Variants in PLCB1 observed in about 807,000 individuals in gnomAD.
PLCB1 encodes 1-phosphatidylinositol 4,5-bisphosphate phosphodiesterase beta-1.
A neutral mutation model predicts 161.8 loss-of-function variants in PLCB1; 46 were observed. The ratio of observed to expected loss-of-function variants is 0.28; its 90% CI spans 0.22 to 0.36. The LOEUF is 0.36. Ranked by LOEUF, PLCB1 falls within the 10% of genes least tolerant of loss-of-function variation. The pLI, the probability that PLCB1 is intolerant of heterozygous loss-of-function variation, is 1.00. For synonymous variants in PLCB1, 517 were observed against 503.7 expected, an observed-to-expected ratio of 1.03 and a Z score of -0.35; for missense variants, 1,016 against 1,472.5, an observed-to-expected ratio of 0.69 and a Z score of 5.07.
At chr20:8,802,127 C>G in intron 31 of PLCB1, 1 of 1,612,506 alleles carries the variant, frequency 6.2e-7, no homozygotes, top group South Asian at 1.1e-5. Context: ...ACTTTACTCC[C>G]CCCAACCCTC....
At chr20:8,743,815 C>T (rs1981004609) in intron 23 of PLCB1, among the ~76,000 whole-genome samples, 1 of 152,064 alleles carries the variant, frequency 6.6e-6, no homozygotes, top group African/African-American at 2.4e-5. Context: ...TGCTTTTTCT[C>T]TTTTCCATGG....
intron 3 of PLCB1, among the ~76,000 whole-genome samples, chr20:8,502,093 TAA>T (rs1262636842): frequency 6.6e-6 from 1 of 151,872 alleles, no homozygotes; most frequent in Non-Finnish European, 1.5e-5. Flanking sequence ...TTTTTATTAC[TAA>T]GATTATTTAC....
intron 31 of PLCB1, among the ~76,000 whole-genome samples, chr20:8,863,706 T>G (rs886923422): frequency 4.6e-5 from 7 of 152,236 alleles, no homozygotes; most frequent in Admixed American, 4.6e-4. Flanking sequence ...GTACATTATA[T>G]TCTTCAGATA....
intron 2 of PLCB1, among the ~76,000 whole-genome samples, chr20:8,294,070 C>A (rs6108129): frequency 6.6e-6 from 1 of 152,058 alleles, no homozygotes; most frequent in Non-Finnish European, 1.5e-5. Flanking sequence ...CATTCCCAAC[C>A]TTTTTAATGC....
intron 2 of PLCB1, among the ~76,000 whole-genome samples, chr20:8,208,742 A>G (rs1335416204): frequency 6.9e-6 from 1 of 145,068 alleles, no homozygotes; most frequent in African/African-American, 2.7e-5. Context: ...CAAATTATAG[A>G]TGAGGATGAT....
At chr20:8,825,825 G>T (rs1301308235) in intron 31 of PLCB1, among the ~76,000 whole-genome samples, 1 of 152,194 alleles carries the variant, frequency 6.6e-6, no homozygotes, top group Non-Finnish European at 1.5e-5. Flanking sequence ...TGGCAGTGTG[G>T]AGTCGGTTTA....
intron 2 of PLCB1, among the ~76,000 whole-genome samples, chr20:8,362,795 C>T (rs115252908): frequency 0.015 from 2,330 of 152,126 alleles, 44 homozygotes; most frequent in African/African-American, 0.052. Flanking sequence ...TTTTCATATA[C>T]GTGAAAAAAG....
chr20:8,173,872 T>C (rs1279284112), intron 2 of PLCB1, among the ~76,000 whole-genome samples: 2 of 152,182 alleles, frequency 1.3e-5, no homozygotes, highest in Non-Finnish European at 2.9e-5. Flanking sequence ...ATAGGTGGGT[T>C]CAATAGTAGA....
chr20:8,213,692 G>GGTGT (rs377240868), intron 2 of PLCB1, among the ~76,000 whole-genome samples: 1 of 151,114 alleles, frequency 6.6e-6, no homozygotes, highest in Admixed American at 6.6e-5. Flanking sequence ...TGGTGGTGGT[G>GGTGT]GTGTGTGTGT....
chr20:8,682,766 C>A (rs1990253247), intron 9 of PLCB1, among the ~76,000 whole-genome samples: 1 of 152,138 alleles, frequency 6.6e-6, no homozygotes, highest in Non-Finnish European at 1.5e-5. Flanking sequence ...AAAACAGATA[C>A]TTTTATATAC....
intron 3 of PLCB1, among the ~76,000 whole-genome samples, chr20:8,584,981 G>A (rs771431049): frequency 2.0e-5 from 3 of 152,098 alleles, no homozygotes; most frequent in Non-Finnish European, 4.4e-5. Flanking sequence ...GAGCCACCAC[G>A]CCTGGCCCTC....
intron 2 of PLCB1, among the ~76,000 whole-genome samples, chr20:8,252,143 G>C (rs1328735950): frequency 6.6e-6 from 1 of 151,904 alleles, no homozygotes; most frequent in East Asian, 1.9e-4. Flanking sequence ...AAGAAAAGCA[G>C]AGGAGGGGAG....
intron 3 of PLCB1, among the ~76,000 whole-genome samples, chr20:8,372,349 A>G (rs1310697245): frequency 6.6e-6 from 1 of 152,196 alleles, no homozygotes; most frequent in African/African-American, 2.4e-5. Context: ...TTGGAGATGC[A>G]AGAAAAAAAA....
intron 9 of PLCB1, among the ~76,000 whole-genome samples, chr20:8,674,119 A>T (rs1201671352): frequency 6.6e-6 from 1 of 152,236 alleles, no homozygotes; most frequent in Non-Finnish European, 1.5e-5. Context: ...ACACAAACTA[A>T]GACACTCCAT....
chr20:8,661,614 G>T (rs1254865564), intron 9 of PLCB1, among the ~76,000 whole-genome samples: 1 of 151,996 alleles, frequency 6.6e-6, no homozygotes, highest in African/African-American at 2.4e-5. Context: ...TTTAAGGCAT[G>T]TACACAAAAA....
chr20:8,444,216 T>G (rs1277247116), intron 3 of PLCB1, among the ~76,000 whole-genome samples: 17 of 122,410 alleles, frequency 1.4e-4, no homozygotes, highest in South Asian at 5.8e-4. Flanking sequence ...CAGGCCGCGG[T>G]GTGTGATGTT....
chr20:8,732,048 A>G (rs1980277206), intron 18 of PLCB1: 1 of 152,036 alleles, frequency 6.6e-6, no homozygotes, highest in Non-Finnish European at 1.5e-5. Context: ...TTTAATATGT[A>G]TTCTTTCACT....
chr20:8,512,676 C>T (rs376215467), intron 3 of PLCB1, among the ~76,000 whole-genome samples: 1 of 151,388 alleles, frequency 6.6e-6, no homozygotes, highest in South Asian at 2.1e-4. Context: ...CAATCTGTAC[C>T]CTCATAATAC....
intron 4 of PLCB1, among the ~76,000 whole-genome samples, chr20:8,638,417 G>A (rs1208481636): frequency 2.0e-5 from 3 of 151,968 alleles, no homozygotes; most frequent in Non-Finnish European, 4.4e-5. Flanking sequence ...GTGAGAGATG[G>A]AATCAGAGAT....
Sources: allele counts gnomAD v4.1 joint callset (sites outside exome capture counted in the v4.1 genomes callset), GRCh38; gene constraint gnomAD v4.1.1; transcripts MANE v1.5; gene names NCBI Gene and HGNC (gene_info 2026-07-23, HGNC 2026-07-21).